STK10: variants seen among roughly 807,000 people sequenced by gnomAD.
STK10 encodes serine/threonine-protein kinase 10.
In STK10, 78 loss-of-function variants were observed where a neutral mutation model predicts 113.8. The ratio of observed to expected loss-of-function variants is 0.69; its 90% CI spans 0.57 to 0.83. STK10 has a LOEUF of 0.83. STK10 is among the 40% of genes least tolerant of loss of function. The pLI, the probability that STK10 is intolerant of heterozygous loss-of-function variation, is 0.00. For missense variants in STK10, 1,109 were observed against 1,280.1 expected (o/e 0.87, Z 2.04); for synonymous variants, 465 against 494.7 (o/e 0.94, Z 0.80).
Position 172,057,437 on chromosome 5 carries a change from T to G in STK10, c.2249A>C (p.Gln750Pro), listed in dbSNP as rs1290761615. ...CACCAGCTGGTGCCTCTCCTGCAGC[T>G]GGTGCTCTTCCATCTCCCACAGGGC... ...EAALWEMEEH[Q>P]LQERHQLVKQ... The change falls in exon 15 of 19, where the codon CAG becomes CCG. Residue 750 changes from glutamine (Q) to proline (P), a missense_variant. This residue lies in a region of STK10 where 885 missense variants were observed against 991.1 expected (regional missense o/e 0.89). Transcript: ENST00000176763. 1.3e-6 allele frequency: 2 copies of G among 1,551,072 alleles called. No homozygotes were observed. The highest frequency in any genetic ancestry group is 1.7e-6 in the Non-Finnish European group (2 of 1,147,522).
intron 7 of STK10, among the ~76,000 whole-genome samples, chr5:172,104,999 T>C (rs909484776): frequency 6.6e-6 from 1 of 152,120 alleles, no homozygotes; most frequent in African/African-American, 2.4e-5. Flanking sequence ...CACCTCCTCC[T>C]TGGGCTGAGT....
At chr5:172,058,104 G>A (rs1767848402) in intron 14 of STK10, among the ~76,000 whole-genome samples, 1 of 152,332 alleles carries the variant, frequency 6.6e-6, no homozygotes, top group East Asian at 1.9e-4. Flanking sequence ...CAGCACCCGG[G>A]TGGGGACCTG....
At position 172,055,541 on chromosome 5, in the gene STK10, T is replaced by C. The variant is rs764070495; in HGVS notation, c.2526+47A>G. ...GCCCAGGTCCCGCCAAACCTGGCCC[T>C]GCCTACACCCCAGCACACTTGCAGA... On this transcript the variant is annotated intron_variant, in intron 16 of 18. Transcript: ENST00000176763. 1.5e-5 allele frequency: 20 copies of C among 1,368,516 alleles called. No homozygotes were observed. In the East Asian group the frequency reaches 4.4e-4, roughly 30 times the overall value. The allele number at this position is 1,368,516 out of a possible 1,614,324, so 84.8% of individuals were successfully genotyped here. A position where few individuals can be genotyped will look rare whatever the true frequency, so the allele number is the denominator to read the frequency against.
chr5:172,049,272 C>T (rs1330439585), intron 18 of STK10, among the ~76,000 whole-genome samples: 4 of 152,156 alleles, frequency 2.6e-5, no homozygotes, highest in South Asian at 2.1e-4. Flanking sequence ...ATCAAGCTAA[C>T]GATGACACAC....
At chr5:172,180,666 G>A (rs1438998461) in intron 1 of STK10, among the ~76,000 whole-genome samples, 5 of 151,684 alleles carry the variant, frequency 3.3e-5, no homozygotes, top group African/African-American at 4.8e-5. Context: ...AACATTAGCC[G>A]GGCGTGGTGG....
At chr5:172,150,229 C>T (rs569805904) in intron 2 of STK10, among the ~76,000 whole-genome samples, 17 of 151,820 alleles carry the variant, frequency 1.1e-4, no homozygotes, top group African/African-American at 3.9e-4. Context: ...GCCTGTAATC[C>T]CAGCACTTTG....
chr5:172,136,539 G>C (rs578120787), intron 2 of STK10, among the ~76,000 whole-genome samples: 1 of 152,340 alleles, frequency 6.6e-6, no homozygotes, highest in Admixed American at 6.5e-5. Context: ...AGAGCTTGCA[G>C]TGAGCCAAGA....
chr5:172,100,437 T>G (rs1296043058), intron 7 of STK10, among the ~76,000 whole-genome samples: 1 of 152,158 alleles, frequency 6.6e-6, no homozygotes, highest in African/African-American at 2.4e-5. Flanking sequence ...ACTTTTCCTC[T>G]ATGTGCTTAG....
rs1360740596 is a variant in STK10, at chr5:172,043,781, CCT to C, written c.*1099_*1100del. On this transcript the variant is annotated 3_prime_UTR_variant, in exon 19 of 19. Transcript: ENST00000176763. ...CTGGGGCAGGGGCATTCCATTTCCC[CCT>C]GATGCTTTTTCTTCCTGAAGAGAAG... The C allele has an allele frequency of 6.6e-6, 1 of 152,202 alleles. No individual in the cohort carries two copies. Among genetic ancestry groups the C allele is most frequent in the African/African-American group, 2.4e-5 (1 of 41,440 alleles). The allele number at this position is 152,202 out of a possible 1,614,324, so 9.4% of individuals were successfully genotyped here.
intron 13 of STK10, 73 bp from the exon 14 acceptor site, chr5:172,061,341 G>A (rs2113702572): frequency 2.0e-6 from 3 of 1,510,818 alleles, no homozygotes; most frequent in Non-Finnish European, 2.6e-6. Context: ...CCTATTATGG[G>A]AGAAAAGCCC....
chr5:172,137,428 C>T (rs1769885920), intron 2 of STK10, among the ~76,000 whole-genome samples: 1 of 151,754 alleles, frequency 6.6e-6, no homozygotes, highest in Non-Finnish European at 1.5e-5. Context: ...TGTAATATAC[C>T]ACATTAACAC....
At chr5:172,112,484 G>A (rs1419088781) in intron 4 of STK10, among the ~76,000 whole-genome samples, 5 of 140,668 alleles carry the variant, frequency 3.6e-5, no homozygotes, top group Admixed American at 7.6e-5. Context: ...GCAGTGGTGT[G>A]ATCTTCGCTC....
chr5:172,087,107 A>AGTGTGTGTGTGTGTGT (rs201052929), intron 10 of STK10, among the ~76,000 whole-genome samples: 2,140 of 128,886 alleles, frequency 0.017, 38 homozygotes, highest in Non-Finnish European at 0.02. Context: ...AGATGACACC[A>AGTGTGTGTGTGTGTGT]GTGTGTGTGT....
At chr5:172,123,359 C>T (rs1769555164) in intron 3 of STK10, among the ~76,000 whole-genome samples, 2 of 152,202 alleles carry the variant, frequency 1.3e-5, no homozygotes, top group Non-Finnish European at 2.9e-5. Flanking sequence ...GGGAAAACTG[C>T]CTAGGGCTGG....
intron 12 of STK10, among the ~76,000 whole-genome samples, chr5:172,073,341 G>A (rs1581141392): frequency 6.6e-6 from 1 of 152,186 alleles, no homozygotes; most frequent in East Asian, 1.9e-4. Flanking sequence ...TAGTAGAGAT[G>A]AGGTTTCACC....
chr5:172,140,040 CAG>C (rs1417854895), intron 2 of STK10, among the ~76,000 whole-genome samples: 1 of 151,446 alleles, frequency 6.6e-6, no homozygotes, highest in Non-Finnish European at 1.5e-5. Context: ...ATATATTTAA[CAG>C]GGGTTAATCT....
intron 1 of STK10, among the ~76,000 whole-genome samples, chr5:172,171,632 T>C (rs749271265): frequency 6.6e-6 from 1 of 151,768 alleles, no homozygotes; most frequent in African/African-American, 2.4e-5. Context: ...GGAGAATCAC[T>C]TGGACCCGTG....
At chr5:172,138,896 C>T (rs189485876) in intron 2 of STK10, among the ~76,000 whole-genome samples, 8 of 152,238 alleles carry the variant, frequency 5.3e-5, no homozygotes, top group South Asian at 2.1e-4. Flanking sequence ...TGCCTGTAGT[C>T]CCAGCTACTC....
At chr5:172,165,471 C>T (rs905700291) in intron 1 of STK10, among the ~76,000 whole-genome samples, 16 of 152,328 alleles carry the variant, frequency 1.1e-4, no homozygotes, top group Admixed American at 9.1e-4. Context: ...GTCTGGGAGC[C>T]ACTGGAGCTG....
Sources: gnomAD v4.1 joint callset for allele counts (sites outside exome capture counted in the v4.1 genomes callset) on GRCh38, gnomAD v4.1.1 for gene constraint, gnomAD v4.1.1 regional missense constraint, MANE v1.5 for transcripts, NCBI Gene and HGNC (gene_info 2026-07-23, HGNC 2026-07-21) for gene names.